The following STAM variants were observed in gnomAD, a reference collection of about 807,000 sequenced individuals.
STAM encodes the protein signal transducing adaptor molecule.
Under a neutral mutation model 63.4 loss-of-function variants are expected in STAM, and 16 were observed. That is an observed-to-expected ratio of 0.25 (90% CI 0.17 to 0.38). STAM has a LOEUF of 0.38. Ranked by LOEUF, STAM falls within the 10% of genes least tolerant of loss-of-function variation. The pLI, the probability that STAM is intolerant of heterozygous loss-of-function variation, is 1.00. For missense variants in STAM, 636 were observed against 657.1 expected (o/e 0.97, Z 0.35); for synonymous variants, 238 against 223.9 (o/e 1.06, Z -0.56).
intron 13 of STAM, among the ~76,000 whole-genome samples, chr10:17,710,347 G>T (rs961484600): frequency 1.3e-5 from 2 of 152,296 alleles, no homozygotes; most frequent in South Asian, 4.1e-4. Flanking sequence ...TGTTCTCTGT[G>T]TGTGACTCTG....
intron 2 of STAM, among the ~76,000 whole-genome samples, chr10:17,665,945 C>G (rs782612476): frequency 2.0e-5 from 3 of 152,106 alleles, no homozygotes; most frequent in Admixed American, 6.6e-5. Context: ...ATGGGCTGAA[C>G]AGCCTTCATT....
intron 1 of STAM, among the ~76,000 whole-genome samples, chr10:17,652,474 A>G (rs1833778625): frequency 6.6e-6 from 1 of 152,250 alleles, no homozygotes; most frequent in African/African-American, 2.4e-5. Flanking sequence ...TAACTGTATC[A>G]TATGTTCCTG....
intron 12 of STAM, among the ~76,000 whole-genome samples, chr10:17,706,369 CTTTTTTTTTTTTT>C (rs59585445): frequency 3.7e-4 from 26 of 70,202 alleles, no homozygotes; most frequent in Non-Finnish European, 5.1e-4. Context: ...GGTTGAGGCC[CTTTTTTTTTTTTT>C]TTTTTTTTTT....
At chr10:17,669,884 CTTTTTT>C (rs76381388) in intron 2 of STAM, among the ~76,000 whole-genome samples, 5 of 120,768 alleles carry the variant, frequency 4.1e-5, no homozygotes, top group Admixed American at 9.3e-5. Flanking sequence ...CTTTTCTTTT[CTTTTTT>C]TTTTTTTTTT....
intron 6 of STAM, 104 bp from the exon 7 acceptor site, chr10:17,694,945 T>C: frequency 1.0e-5 from 11 of 1,049,806 alleles, no homozygotes; most frequent in Non-Finnish European, 1.4e-5. Context: ...TTTCTAACTA[T>C]ACTATTGAAG....
At chr10:17,690,882 T>TA (rs1554826700) in intron 5 of STAM, among the ~76,000 whole-genome samples, 1 of 152,230 alleles carries the variant, frequency 6.6e-6, no homozygotes, top group African/African-American at 2.4e-5. Flanking sequence ...GTGTTATTGT[T>TA]ACATTTAGAA....
At chr10:17,678,456 G>A (rs1554824900) in intron 2 of STAM, among the ~76,000 whole-genome samples, 1 of 152,120 alleles carries the variant, frequency 6.6e-6, no homozygotes, top group African/African-American at 2.4e-5. Context: ...GTTTCACCAT[G>A]TTGGCCAGGC....
intron 2 of STAM, among the ~76,000 whole-genome samples, chr10:17,668,036 T>C (rs1432953433): frequency 7.9e-5 from 12 of 152,230 alleles, no homozygotes; most frequent in Admixed American, 7.8e-4. Flanking sequence ...CAAGGTCTGA[T>C]GACTCCAAGG....
Sources: gnomAD v4.1 joint callset for allele counts (sites outside exome capture counted in the v4.1 genomes callset) on GRCh38, gnomAD v4.1.1 for gene constraint, MANE v1.5 for transcripts, NCBI Gene and HGNC (gene_info 2026-07-23, HGNC 2026-07-21) for gene names.